The following IQSEC1 variants were observed in gnomAD, a reference collection of about 807,000 sequenced individuals.
IQSEC1 encodes IQ motif and SEC7 domain-containing protein 1.
Under a neutral mutation model 91.0 loss-of-function variants are expected in IQSEC1, and 31 were observed. The observed-to-expected ratio is 0.34, with a 90% confidence interval of 0.26 to 0.46. The LOEUF (loss-of-function observed/expected upper bound fraction) is 0.46. IQSEC1 is among the 20% of genes least tolerant of loss of function. The pLI, the probability that IQSEC1 is intolerant of heterozygous loss-of-function variation, is 1.00. For synonymous variants in IQSEC1, 699 were observed against 662.6 expected (o/e 1.05, Z -0.84); for missense variants, 1,388 against 1,575.6 (o/e 0.88, Z 2.02).
At chr3:13,250,695 G>A (rs1695180373) in intron 1 of IQSEC1, among the ~76,000 whole-genome samples, 1 of 151,796 alleles carries the variant, frequency 6.6e-6, no homozygotes, top group African/African-American at 2.4e-5. Flanking sequence ...TCAAACTCCT[G>A]ACCTCAGGTG....
At chr3:13,018,716 G>A (rs944492716) in intron 1 of IQSEC1, among the ~76,000 whole-genome samples, 9 of 152,172 alleles carry the variant, frequency 5.9e-5, no homozygotes, top group African/African-American at 1.4e-4. Flanking sequence ...ATCCCCACAC[G>A]CATCTCACAG....
Position 12,967,628 on chromosome 3 carries a change from G to A in IQSEC1, c.24-25763C>T. 8.1e-7 allele frequency: 1 copy of A among 1,232,278 alleles called. No homozygotes were observed. Among genetic ancestry groups the A allele is most frequent in the Non-Finnish European group, 1.0e-6 (1 of 988,236 alleles). The allele number at this position is 1,232,278 out of a possible 1,614,324, so 76.3% of individuals were successfully genotyped here. A position where few individuals can be genotyped will look rare whatever the true frequency, so the allele number is the denominator to read the frequency against. ...GGTCCAGCGTCCGCCGGCTCCCGCG[G>A]CTCCGGCCCCAAGTCCGAGCCCCAG... On this transcript the variant is annotated intron_variant, in intron 1 of 13. Coordinates refer to ENST00000613206, the MANE Select transcript of IQSEC1 (RefSeq NM_001134382.3). The surrounding 1 kb of genome is among the most constrained non-coding windows in gnomAD (Gnocchi z 5.9).
chr3:12,957,808 A>G (rs917100501), intron 1 of IQSEC1, among the ~76,000 whole-genome samples: 4 of 152,260 alleles, frequency 2.6e-5, no homozygotes, highest in Admixed American at 2.6e-4. Context: ...CAACACAGGC[A>G]CAGCCACTAT....
At chr3:13,004,781 C>T (rs1702565311) in intron 1 of IQSEC1, among the ~76,000 whole-genome samples, 1 of 152,064 alleles carries the variant, frequency 6.6e-6, no homozygotes. Context: ...GAGGCTAATT[C>T]ACCTCCCACC....
intron 1 of IQSEC1, among the ~76,000 whole-genome samples, chr3:13,199,287 AT>A (rs1173652789): frequency 6.6e-6 from 1 of 152,168 alleles, no homozygotes; most frequent in African/African-American, 2.4e-5. Flanking sequence ...GAGCCAACAC[AT>A]TTGACGCAGT....
rs142442429 is a variant in IQSEC1 at position 12,901,917 on chromosome 3, G to C, written c.2806-395C>G. ...GTGCAGAGGGGCTGATGTGCCTGGA[G>C]GAGGAGCCCTGCTCCTGCTGAAAAC... On this transcript the variant is annotated intron_variant, in intron 13 of 13. Transcript: ENST00000613206. 1.0e-3 allele frequency among the ~76,000 whole-genome samples: 152 copies of C among 152,254 alleles called. 2 individuals carry two copies. In the East Asian group the frequency reaches 0.025, roughly 25 times the overall value.
chr3:13,015,566 G>T lies in IQSEC1; in HGVS notation c.23+57426C>A, dbSNP rs1029868617. On this transcript the variant is annotated intron_variant, in intron 1 of 13. Transcript: ENST00000613206. ...TGAGGTCCCCTCCCCGGGCCAGGTG[G>T]GTGGTACTCACAGTCTCAAAGTGGA... is the stretch of plus-strand genomic sequence containing the variant. 1.3e-5 allele frequency: 13 copies of T among 985,254 alleles called. No homozygotes were observed. In the African/African-American group the frequency reaches 2.3e-4, roughly 17 times the overall value. 61.0% of individuals were successfully genotyped at this position (985,254 alleles called of 1,614,324 possible). A position where few individuals can be genotyped will look rare whatever the true frequency, so the allele number is the denominator to read the frequency against.
rs554551835 is a variant in IQSEC1 at position 13,171,469 on chromosome 3, T to C, written c.273-7336A>G. Among the ~76,000 whole-genome samples the C allele has an allele frequency of 1.9e-3, 287 of 152,272 alleles. 1 individual carries two copies. The highest frequency in any genetic ancestry group is 6.4e-3 in the African/African-American group (265 of 41,536). On this transcript the variant is annotated intron_variant, in intron 1 of 15. Transcript: ENST00000648114. ...CCTAAAACTAAGTGATTGTAACAGT[T>C]AGACCCCACAGACCTGATCAGCCCC...
intron 1 of IQSEC1, among the ~76,000 whole-genome samples, chr3:13,226,243 C>A (rs1694751781): frequency 1.3e-5 from 2 of 152,168 alleles, no homozygotes; most frequent in South Asian, 4.1e-4. Flanking sequence ...ATTCTGAAAC[C>A]AGTGTCTGCC....
rs567948370 is a variant in IQSEC1 at position 12,901,190 on chromosome 3, G to A, written c.3138C>T (p.His1046=). 3.2e-6 allele frequency: 5 copies of A among 1,542,552 alleles called. No homozygotes were observed. Among genetic ancestry groups the A allele is most frequent in the Non-Finnish European group, 4.4e-6 (5 of 1,142,028 alleles). Residue 1046 remains histidine, a synonymous_variant, in exon 14 of 14, where the codon CAC becomes CAT. Transcript: ENST00000613206. ...CGTGCTGGATGTGCTGGGGTGGGTG[G>A]TGGTGGTGGTGATGGTGGTACGGGG... The part of the protein sequence containing the change: ...NPPPYHHHHH[H]HPPQHIQHAH...
Position 13,100,402 on chromosome 3 carries a change from C to G in IQSEC1, c.303-52880G>C, listed in dbSNP as rs868832079. Among the ~76,000 whole-genome samples, 9 of 148,742 alleles carry G rather than the reference C, an allele frequency of 6.1e-5. 1 individual carries two copies. Among genetic ancestry groups the G allele is most frequent in the African/African-American group, 2.3e-4 (9 of 39,408 alleles). On this transcript the variant is annotated intron_variant, in intron 2 of 15. Coordinates refer to the IQSEC1 transcript ENST00000648114. ...ATGTTCATCCTCAAGTGCCTAACCC[C>G]TTGTATGAAGAAGTTACTCTCTCTG...
intron 1 of IQSEC1, among the ~76,000 whole-genome samples, chr3:13,014,146 T>C (rs1703011234): frequency 6.6e-6 from 1 of 152,158 alleles, no homozygotes; most frequent in Admixed American, 6.5e-5. Context: ...ACCTGACCTC[T>C]TGGGGTCCTT....
intron 1 of IQSEC1, among the ~76,000 whole-genome samples, chr3:13,064,831 A>G (rs1010493600): frequency 1.3e-5 from 2 of 152,346 alleles, no homozygotes; most frequent in African/African-American, 4.8e-5. Flanking sequence ...CCTGTCCTGC[A>G]CAACCTAGGC....
intron 2 of IQSEC1, among the ~76,000 whole-genome samples, chr3:13,158,787 C>A (rs914190708): frequency 9.9e-5 from 15 of 152,076 alleles, no homozygotes; most frequent in South Asian, 2.1e-4. Context: ...CATGACAAAA[C>A]CCTGTCTCTA....
At chr3:13,175,975 C>T (rs986971718) in intron 1 of IQSEC1, among the ~76,000 whole-genome samples, 8 of 152,328 alleles carry the variant, frequency 5.3e-5, no homozygotes, top group African/African-American at 1.9e-4. Flanking sequence ...CACACAAGCA[C>T]CCAGACACTT....
At chr3:13,162,831 C>CA (rs796743588) in intron 2 of IQSEC1, among the ~76,000 whole-genome samples, 37 of 152,262 alleles carry the variant, frequency 2.4e-4, no homozygotes, top group African/African-American at 8.4e-4. Flanking sequence ...CCTCAGGCTG[C>CA]AAGGGGCCTG....
chr3:13,093,278 T>C (rs1012709830), intron 2 of IQSEC1, among the ~76,000 whole-genome samples: 5 of 152,054 alleles, frequency 3.3e-5, no homozygotes, highest in Admixed American at 6.5e-5. Flanking sequence ...ACAAGACTAA[T>C]CGGGCTCAAG....
At chr3:13,158,356 C>G (rs1216712828) in intron 2 of IQSEC1, among the ~76,000 whole-genome samples, 1 of 152,218 alleles carries the variant, frequency 6.6e-6, no homozygotes, top group Non-Finnish European at 1.5e-5. Context: ...TCCTTGTGAA[C>G]AAAATAAACT....
chr3:13,068,520 G>A (rs1311049687), intron 1 of IQSEC1, among the ~76,000 whole-genome samples: 1 of 152,186 alleles, frequency 6.6e-6, no homozygotes, highest in Non-Finnish European at 1.5e-5. Context: ...AGGCCCCAAT[G>A]CAGTTCCCCA....
Sources: allele counts gnomAD v4.1 joint callset (sites outside exome capture counted in the v4.1 genomes callset), GRCh38; gene constraint gnomAD v4.1.1; non-coding constraint Gnocchi (gnomAD v3.1); transcripts MANE v1.5; gene names NCBI Gene and HGNC (gene_info 2026-07-23, HGNC 2026-07-21).